The following KCNQ1 variants were observed in gnomAD, a reference collection of about 807,000 sequenced individuals.
KCNQ1 encodes potassium voltage-gated channel subfamily Q member 1.
In KCNQ1, 49 loss-of-function variants were observed where a neutral mutation model predicts 72.4. That is an observed-to-expected ratio of 0.68 (90% CI 0.54 to 0.86). The LOEUF (loss-of-function observed/expected upper bound fraction) is 0.86, where lower values mean the gene tolerates loss of function less well. KCNQ1 is among the 40% of genes least tolerant of loss of function. The pLI is 0.00. For synonymous variants in KCNQ1, 450 were observed against 412.6 expected, an observed-to-expected ratio of 1.09 and a Z score of -1.10; for missense variants, 790 against 945.1, an observed-to-expected ratio of 0.84 and a Z score of 2.15.
chr11:2,681,004 T>C (rs1850387757), intron 11 of KCNQ1: 2 of 398,576 alleles, frequency 5.0e-6, no homozygotes, highest in Non-Finnish European at 8.8e-6. Flanking sequence ...AGGTATGTGT[T>C]CTTTTATTAT....
rs1431284948 is a variant in KCNQ1 at position 2,818,472 on chromosome 11, G to T, written c.1795-29295G>T. On this transcript the variant is annotated intron_variant, in intron 15 of 15. Transcript: ENST00000155840. The surrounding 1 kb of genome is among the most constrained non-coding windows in gnomAD (Gnocchi z 7.2). ...CCTCAGAGGAAGAGCAAGGGTAGGT[G>T]CCTCTGGCATGAGCCAGATGATGGG... is the stretch of plus-strand genomic sequence containing the variant. Among the ~76,000 whole-genome samples the T allele has an allele frequency of 6.6e-6, 1 of 152,178 alleles. No individual in the cohort carries two copies. Among genetic ancestry groups the T allele is most frequent in the Admixed American group, 6.5e-5 (1 of 15,282 alleles).
Position 2,784,021 on chromosome 11 carries a change from T to C in KCNQ1, c.1794+5984T>C, listed in dbSNP as rs925016067. Among the ~76,000 whole-genome samples the C allele has an allele frequency of 6.6e-6, 1 of 152,064 alleles. No individual in the cohort carries two copies. Among genetic ancestry groups the C allele is most frequent in the Non-Finnish European group, 1.5e-5 (1 of 67,890 alleles). On this transcript the variant is annotated intron_variant, in intron 15 of 15. Transcript: ENST00000155840. This position sits in a 1 kb window ranked among gnomAD's most constrained non-coding sequence, Gnocchi z 4.7. ...TAATGAAGTCCAATTTGTCTTTTCT[T>C]ATATGGCTCAGGCTTTTGATGTTTT...
chr11:2,594,047 A>T (rs1264951631), intron 10 of KCNQ1, among the ~76,000 whole-genome samples: 1 of 152,086 alleles, frequency 6.6e-6, no homozygotes, highest in Non-Finnish European at 1.5e-5. Context: ...ATACATTGAG[A>T]TATTTACTCA....
At position 2,798,572 on chromosome 11, in the gene KCNQ1, C is replaced by G. The variant is rs577818803; in HGVS notation, c.1794+20535C>G. Among the ~76,000 whole-genome samples, 4 of 151,926 alleles carry G rather than the reference C, an allele frequency of 2.6e-5. No individual in the cohort carries two copies. The South Asian group carries it at 8.3e-4, about 32-fold the overall frequency. On this transcript the variant is annotated intron_variant, in intron 15 of 15. Transcript: ENST00000155840. The stretch of plus-strand genomic sequence containing the variant: ...CTGAAAAAAAAAAAAAATACCCACT[C>G]TATTTCCTCATTAACATAATTGCAA...
chr11:2,679,697 A>T lies in KCNQ1; in HGVS notation c.1514+17616A>T, dbSNP rs1850355405. 2.5e-6 allele frequency: 1 copy of T among 398,538 alleles called. No individual in the cohort carries two copies. Among genetic ancestry groups the T allele is most frequent in the South Asian group, 1.3e-4 (1 of 7,850 alleles). 24.7% of individuals were successfully genotyped at this position (398,538 alleles called of 1,614,324 possible). ...TAGGATCCCAGATTAGATTTTTTTT[A>T]AATCAGCCGTTCTCTGTATTCTTGT... On this transcript the variant is annotated intron_variant, in intron 11 of 15. Coordinates refer to ENST00000155840, the MANE Select transcript of KCNQ1 (RefSeq NM_000218.3). This position sits in a 1 kb window ranked among gnomAD's most constrained non-coding sequence, Gnocchi z 4.8.
chr11:2,814,326 G>T (rs1404028999), intron 15 of KCNQ1, among the ~76,000 whole-genome samples: 11 of 151,720 alleles, frequency 7.3e-5, no homozygotes, highest in Non-Finnish European at 1.5e-4. Context: ...TGGATCGATG[G>T]GTGTGTGGGT....
chr11:2,534,682 G>C (rs984254129), intron 2 of KCNQ1, among the ~76,000 whole-genome samples: 10 of 152,338 alleles, frequency 6.6e-5, no homozygotes, highest in African/African-American at 2.2e-4. Context: ...TGGGCCTGTG[G>C]GCTCACTTGC....
chr11:2,813,789 G>A lies in KCNQ1; in HGVS notation c.1795-33978G>A, dbSNP rs1314920932. Among the ~76,000 whole-genome samples, 2 of 152,112 alleles carry A rather than the reference G, an allele frequency of 1.3e-5. No homozygotes were observed. The highest frequency in any genetic ancestry group is 2.9e-5 in the Non-Finnish European group (2 of 68,026). On this transcript the variant is annotated intron_variant, in intron 15 of 15. Coordinates refer to ENST00000155840, the MANE Select transcript of KCNQ1 (RefSeq NM_000218.3). This position sits in a 1 kb window ranked among gnomAD's most constrained non-coding sequence, Gnocchi z 4.4. ...TGGAAAGAATGAGGGCGGGCACATA[G>A]GCCTGGGGTGTGGGGAGCATTAATG...
In KCNQ1 at chr11:2,653,385, ACT is replaced by A. The variant is rs1849787618; in HGVS notation, c.1394-8571_1394-8570del. 4.5e-5 allele frequency: 18 copies of A among 398,460 alleles called. No individual in the cohort carries two copies. In the South Asian group the frequency reaches 2.0e-3, roughly 45 times the overall value. 24.7% of individuals were successfully genotyped at this position (398,460 alleles called of 1,614,324 possible). A position where few individuals can be genotyped will look rare whatever the true frequency, so the allele number is the denominator to read the frequency against. The stretch of plus-strand genomic sequence containing the variant: ...AACTTTGTCATGCACATTCCTGAAG[ACT>A]CTCTTGGTAACAAATGATGGAACCC... On this transcript the variant is annotated intron_variant, in intron 10 of 15. Coordinates refer to ENST00000155840, the MANE Select transcript of KCNQ1 (RefSeq NM_000218.3). This position sits in a 1 kb window ranked among gnomAD's most constrained non-coding sequence, Gnocchi z 5.3.
At chr11:2,460,288 T>G (rs1160110377) in intron 1 of KCNQ1, among the ~76,000 whole-genome samples, 1 of 152,222 alleles carries the variant, frequency 6.6e-6, no homozygotes, top group Non-Finnish European at 1.5e-5. Flanking sequence ...GCTGCTGGCC[T>G]GCATTTCTCT....
At position 2,663,462 on chromosome 11, in the gene KCNQ1, T is replaced by C; in HGVS notation, c.1514+1381T>C. ...GATGGACCTCCAAAGTGATCAGTGT[T>C]AGTTTAGTGGCTCATGTTGTGTGCA... On this transcript the variant is annotated intron_variant, in intron 11 of 15. Transcript: ENST00000155840. This position sits in a 1 kb window ranked among gnomAD's most constrained non-coding sequence, Gnocchi z 5.2. 2 of 398,738 alleles carry C rather than the reference T, an allele frequency of 5.0e-6. No individual in the cohort carries two copies. Among genetic ancestry groups the C allele is most frequent in the Non-Finnish European group, 8.8e-6 (2 of 226,142 alleles). 24.7% of individuals were successfully genotyped at this position (398,738 alleles called of 1,614,324 possible). A position where few individuals can be genotyped will look rare whatever the true frequency, so the allele number is the denominator to read the frequency against.
At chr11:2,797,814 G>A (rs1245631117) in intron 15 of KCNQ1, among the ~76,000 whole-genome samples, 1 of 152,014 alleles carries the variant, frequency 6.6e-6, no homozygotes, top group African/African-American at 2.4e-5. Flanking sequence ...TCGGCACCCA[G>A]CTTGAGTGTC....
chr11:2,723,251 A>G lies in KCNQ1; in HGVS notation c.1515-45593A>G, dbSNP rs1172629491. Reference sequence around the variant, plus strand: ...CTTACCCCACTCCCTGCCGCCCTGGACAAGGTGCCCACGGCCCTGTCCCAT... The same window carrying G: ...CTTACCCCACTCCCTGCCGCCCTGGGCAAGGTGCCCACGGCCCTGTCCCAT... On this transcript the variant is annotated intron_variant, in intron 11 of 15. Transcript: ENST00000155840. The surrounding 1 kb of genome is among the most constrained non-coding windows in gnomAD (Gnocchi z 4.2). Among the ~76,000 whole-genome samples the G allele has an allele frequency of 1.3e-5, 2 of 152,180 alleles. No homozygotes were observed. The highest frequency in any genetic ancestry group is 4.8e-5 in the African/African-American group (2 of 41,444).
chr11:2,668,416 C>T lies in KCNQ1; in HGVS notation c.1514+6335C>T, dbSNP rs941926704. 2 of 398,500 alleles carry T rather than the reference C, an allele frequency of 5.0e-6. No homozygotes were observed. The highest frequency in any genetic ancestry group is 3.6e-5 in the East Asian group (1 of 28,082). The allele number at this position is 398,500 out of a possible 1,614,324, so 24.7% of individuals were successfully genotyped here. ...CAAAGGAGTCATTCCAATTTTCATTCCCACAGGCAGCATTCTGGCTGCTCC... is the reference window on the plus strand; with the variant it reads ...CAAAGGAGTCATTCCAATTTTCATTTCCACAGGCAGCATTCTGGCTGCTCC... On this transcript the variant is annotated intron_variant, in intron 11 of 15. Transcript: ENST00000155840. This position sits in a 1 kb window ranked among gnomAD's most constrained non-coding sequence, Gnocchi z 4.3.
intron 11 of KCNQ1, chr11:2,694,893 G>A (rs1392764812): frequency 2.5e-6 from 1 of 398,528 alleles, no homozygotes; most frequent in African/African-American, 2.1e-5. Context: ...ATTGTCAAGG[G>A]AAGATCACCA....
chr11:2,572,767 C>G (rs1372209485), intron 5 of KCNQ1, 79 bp from the exon 6 acceptor site: 1 of 1,588,536 alleles, frequency 6.3e-7, no homozygotes, highest in Non-Finnish European at 8.6e-7. Context: ...ATCGCTGGGA[C>G]TCGCTGCCTT....
chr11:2,843,565 T>C (rs1245067823), intron 15 of KCNQ1, among the ~76,000 whole-genome samples: 1 of 152,184 alleles, frequency 6.6e-6, no homozygotes, highest in Admixed American at 6.5e-5. Context: ...GAGCAGCGGG[T>C]GTGCCCGGCC....
chr11:2,681,714 C>A, intron 11 of KCNQ1: 1 of 397,790 alleles, frequency 2.5e-6, no homozygotes, highest in Non-Finnish European at 4.4e-6. Context: ...GTGTCTGTTC[C>A]TCTATTCAGT....
At position 2,453,585 on chromosome 11, in the gene KCNQ1, G is replaced by A. The variant is rs573174438; in HGVS notation, c.386+8101G>A. ...AGAAGGTGCCGCCTTCACTCCTGGC[G>A]AGAGGGGTGTCGAGGAAAATGTCAC... On this transcript the variant is annotated intron_variant, in intron 1 of 15. Transcript: ENST00000155840. Among the ~76,000 whole-genome samples the A allele has an allele frequency of 2.5e-4, 38 of 152,316 alleles. No homozygotes were observed. The East Asian group carries it at 2.5e-3, about 10-fold the overall frequency.
Sources: gnomAD v4.1 joint callset for allele counts (sites outside exome capture counted in the v4.1 genomes callset) on GRCh38, gnomAD v4.1.1 for gene constraint, Gnocchi (gnomAD v3.1) non-coding constraint, MANE v1.5 for transcripts, NCBI Gene and HGNC (gene_info 2026-07-23, HGNC 2026-07-21) for gene names.